ANO1: variants seen among roughly 807,000 people sequenced by gnomAD.
ANO1 encodes anoctamin 1.
In ANO1, 59 loss-of-function variants were observed where a neutral mutation model predicts 124.0. The observed-to-expected ratio is 0.48, with a 90% confidence interval of 0.39 to 0.59. ANO1 has a LOEUF of 0.59. ANO1 is among the 20% of genes least tolerant of loss of function. The pLI is 0.00. For synonymous variants in ANO1, 529 were observed against 532.0 expected, an observed-to-expected ratio of 0.99 and a Z score of 0.08; for missense variants, 1,059 against 1,328.0, an observed-to-expected ratio of 0.80 and a Z score of 3.15.
At chr11:69,983,577 C>T (rs537599869), upstream of ANO1, among the ~76,000 whole-genome samples, 29 of 151,892 alleles carry the variant, frequency 1.9e-4, no homozygotes, top group Non-Finnish European at 3.8e-4. Context: ...GCAGGGTGCT[C>T]CGGGTGCTCC....
intron 1 of ANO1, among the ~76,000 whole-genome samples, chr11:70,006,663 C>CTTT (rs56851839): frequency 1.1e-5 from 1 of 88,992 alleles, no homozygotes; most frequent in Non-Finnish European, 2.1e-5. Context: ...TTTCTTCTTT[C>CTTT]TTTTTTTTTT....
intron 1 of ANO1, among the ~76,000 whole-genome samples, chr11:70,078,962 G>C (rs543291056): frequency 1.1e-3 from 170 of 152,054 alleles, no homozygotes; most frequent in African/African-American, 3.8e-3. Context: ...GCGCAGCGCC[G>C]GGCCCCCAGG....
Position 70,170,281 on chromosome 11 carries a change from T to C in ANO1, c.2198-606T>C, listed in dbSNP as rs368730062. The C allele has an allele frequency of 5.8e-5, 23 of 395,314 alleles. No individual in the cohort carries two copies. The East Asian group carries it at 7.5e-4, about 13-fold the overall frequency. 24.5% of individuals were successfully genotyped at this position (395,314 alleles called of 1,614,324 possible). ...ACAGGCTGGGCCTTTGAGCTCACGA[T>C]GGTCCTTTTCCTTTTGGCGATGATT... On this transcript the variant is annotated intron_variant, in intron 21 of 25. Coordinates refer to ENST00000355303, the MANE Select transcript of ANO1 (RefSeq NM_018043.7).
intron 2 of ANO1, among the ~76,000 whole-genome samples, chr11:70,092,115 G>A (rs988919628): frequency 6.6e-6 from 1 of 152,168 alleles, no homozygotes; most frequent in Non-Finnish European, 1.5e-5. Context: ...AGTGTTCCTT[G>A]GCTAGTGGCC....
chr11:70,080,938 A>G (rs1228410560), intron 1 of ANO1, among the ~76,000 whole-genome samples: 1 of 152,218 alleles, frequency 6.6e-6, no homozygotes, highest in Non-Finnish European at 1.5e-5. Flanking sequence ...TCAAGCCAAC[A>G]GTTGTTGCTC....
intron 6 of ANO1, among the ~76,000 whole-genome samples, chr11:70,110,897 C>A (rs533488261): frequency 6.6e-6 from 1 of 152,256 alleles, no homozygotes; most frequent in African/African-American, 2.4e-5. Context: ...TGGGGCTGGG[C>A]GCCCGCATGC....
In ANO1 at chr11:70,015,903, A is replaced by G. The variant is rs79296412; in HGVS notation, c.58+29737A>G. The G allele has an allele frequency of 3.9e-3, 598 of 152,544 alleles. 17 individuals are homozygous for G. The East Asian group carries it at 0.069, about 18-fold the overall frequency. The allele number at this position is 152,544 out of a possible 1,614,324, so 9.4% of individuals were successfully genotyped here. ...GTCCACAGCCACACAGCCGTGAGCA[A>G]TGCACTCCATTCCCGGACACACTAT... On this transcript the variant is annotated intron_variant, in intron 1 of 27. Coordinates refer to the ANO1 transcript ENST00000531349.
At chr11:70,042,547 TTGAG>T (rs1263744694) in intron 1 of ANO1, among the ~76,000 whole-genome samples, 1 of 123,274 alleles carries the variant, frequency 8.1e-6, no homozygotes, top group African/African-American at 3.1e-5. Flanking sequence ...GATTGAGAGA[TTGAG>T]AGAGAGAGAG....
At chr11:70,118,246 G>C (rs2135441743) in intron 8 of ANO1, among the ~76,000 whole-genome samples, 1 of 149,514 alleles carries the variant, frequency 6.7e-6, no homozygotes, top group African/African-American at 2.5e-5. Flanking sequence ...TGCTTTTCTA[G>C]TCTCAGGATT....
At position 70,085,544 on chromosome 11, in the gene ANO1, T is replaced by C. The variant is rs1565182811; in HGVS notation, c.109-2208T>C. ...ATGCTGACCAGGCCCTCCCAGGTGG[T>C]GAGCAATGCTGTTTCCAGGAGAGGC... On this transcript the variant is annotated intron_variant, in intron 1 of 25. Transcript: ENST00000355303. The C allele has an allele frequency of 3.3e-6, 5 of 1,535,936 alleles. No individual in the cohort carries two copies. In the East Asian group the frequency reaches 1.2e-4, roughly 38 times the overall value.
At chr11:70,153,357 C>CA (rs2047678337) in intron 14 of ANO1, among the ~76,000 whole-genome samples, 2 of 152,208 alleles carry the variant, frequency 1.3e-5, no homozygotes, top group African/African-American at 4.8e-5. Flanking sequence ...CAAAAACAGA[C>CA]AGGGGGCCAG....
intron 21 of ANO1, among the ~76,000 whole-genome samples, chr11:70,168,104 C>CCACCCAA (rs2048325280): frequency 6.6e-6 from 1 of 152,124 alleles, no homozygotes; most frequent in Admixed American, 6.5e-5. Context: ...TGGGGGTGGC[C>CCACCCAA]AAAGAGAACT....
intron 1 of ANO1, among the ~76,000 whole-genome samples, chr11:70,060,667 C>T (rs561271422): frequency 1.3e-5 from 2 of 152,276 alleles, no homozygotes; most frequent in East Asian, 3.9e-4. Context: ...TGGAGCATAG[C>T]CTGTGATTTT....
intron 2 of ANO1, among the ~76,000 whole-genome samples, chr11:70,093,610 A>G (rs1264606442): frequency 1.3e-5 from 2 of 152,226 alleles, no homozygotes; most frequent in Non-Finnish European, 2.9e-5. Flanking sequence ...AAGGCCGTGG[A>G]CATTGGAACC....
At chr11:70,033,208 G>T (rs1162906118) in intron 1 of ANO1, among the ~76,000 whole-genome samples, 1 of 152,130 alleles carries the variant, frequency 6.6e-6, no homozygotes, top group Non-Finnish European at 1.5e-5. Flanking sequence ...CAAGGGACCT[G>T]CTTGCTCCCG....
intron 1 of ANO1, among the ~76,000 whole-genome samples, chr11:69,997,413 G>A (rs1411761195): frequency 1.3e-5 from 2 of 152,158 alleles, no homozygotes; most frequent in East Asian, 1.9e-4. Context: ...CAGGAAGGGA[G>A]CATGCCAGGA....
chr11:70,118,942 G>T (rs1166098557), intron 8 of ANO1, among the ~76,000 whole-genome samples: 1 of 147,764 alleles, frequency 6.8e-6, no homozygotes, highest in Non-Finnish European at 1.5e-5. Flanking sequence ...TGGATGGATG[G>T]GTGATGGGTG....
rs544348110 is a variant in ANO1, at chr11:70,163,307, C to T, written c.1917C>T (p.Tyr639=). 670 of 1,613,952 alleles carry T rather than the reference C, an allele frequency of 4.2e-4. 6 individuals carry two copies. The South Asian group carries it at 6.7e-3, about 16-fold the overall frequency. ...KGRFVGRPGD[Y]VYIFRSFRME... is the part of the protein sequence containing the mutation. Reference sequence around the variant, plus strand: ...GGTTTGTTGGACGCCCGGGCGACTACGTGTACATTTTCCGTTCCTTCCGAA... The same window carrying T: ...GGTTTGTTGGACGCCCGGGCGACTATGTGTACATTTTCCGTTCCTTCCGAA... The change falls in exon 19 of 26, where the codon TAC becomes TAT. Residue 639 remains tyrosine (Y), a synonymous_variant. Transcript: ENST00000355303.
the ANO1 span, among the ~76,000 whole-genome samples, chr11:69,976,532 A>G: frequency 1.1e-4 from 3 of 26,220 alleles, 1 homozygote; most frequent in African/African-American, 1.5e-4. Context: ...AAAAAAAAAA[A>G]AAAAAAAAAA....
Sources: gnomAD v4.1 joint callset for allele counts (sites outside exome capture counted in the v4.1 genomes callset) on GRCh38, gnomAD v4.1.1 for gene constraint, MANE v1.5 for transcripts, NCBI Gene and HGNC (gene_info 2026-07-23, HGNC 2026-07-21) for gene names.